Variants in SPTB observed in about 807,000 individuals in gnomAD.
The protein encoded by SPTB is spectrin beta, erythrocytic.
In SPTB, 45 loss-of-function variants were observed where a neutral mutation model predicts 256.2. That is an observed-to-expected ratio of 0.18 (90% CI 0.14 to 0.23). The LOEUF is 0.23. Ranked by LOEUF, SPTB falls within the 10% of genes least tolerant of loss-of-function variation. The pLI, the probability that SPTB is intolerant of heterozygous loss-of-function variation, is 1.00. For synonymous variants in SPTB, 1,231 were observed against 1,243.1 expected (o/e 0.99, Z 0.21); for missense variants, 2,715 against 3,040.4 (o/e 0.89, Z 2.52).
chr14:64,756,122 G>T (rs146695139), intron 32 of SPTB: 2 of 152,176 alleles, frequency 1.3e-5, no homozygotes. Context: ...AATAAAAACC[G>T]CAAGGCAGAA....
chr14:64,832,421 G>A (rs1352891055), intron 1 of SPTB, among the ~76,000 whole-genome samples: 1 of 152,088 alleles, frequency 6.6e-6, no homozygotes, highest in Non-Finnish European at 1.5e-5. Context: ...TGCTCTGTGG[G>A]CTACTCTTCC....
rs201334134 is a variant in SPTB at position 64,868,390 on chromosome 14, T to TA, written c.-52+11401dup. 2.2e-3 allele frequency among the ~76,000 whole-genome samples: 327 copies of TA among 150,802 alleles called. 4 individuals carry two copies. Among genetic ancestry groups the TA allele is most frequent in the African/African-American group, 4.5e-3 (184 of 41,046 alleles). The stretch of plus-strand genomic sequence containing the variant: ...GATGGTGACAACATGAACCTAGCTA[T>TA]AAAAAAAAACAAGGCAGAAAAGCAG... On this transcript the variant is annotated intron_variant, in intron 1 of 35. Coordinates refer to ENST00000644917, the MANE Select transcript of SPTB (RefSeq NM_001355436.2).
At chr14:64,830,353 T>A (rs901064067) in intron 1 of SPTB, among the ~76,000 whole-genome samples, 2 of 127,254 alleles carry the variant, frequency 1.6e-5, no homozygotes, top group African/African-American at 7.5e-5. Context: ...ATTATTATTA[T>A]TATTATTATT....
chr14:64,774,677 G>T, intron 23 of SPTB, 150 bp from the exon 24 acceptor site: 1 of 1,226,468 alleles, frequency 8.2e-7, no homozygotes, highest in Non-Finnish European at 1.2e-6. Context: ...CTTCCTTCCT[G>T]CCCTTCTGAT....
At chr14:64,850,498 G>GCCCCTCACAAGGGC (rs777570105) in intron 1 of SPTB, among the ~76,000 whole-genome samples, 57 of 152,286 alleles carry the variant, frequency 3.7e-4, no homozygotes, top group Middle Eastern at 3.4e-3. Context: ...CAAGTTTCCA[G>GCCCCTCACAAGGGC]CCCCTCACAA....
rs553593159 is a variant in SPTB at position 64,786,609 on chromosome 14, C to T, written c.3356G>A (p.Arg1119His). Residue 1119 changes from arginine (R) to histidine (H), a missense_variant, in exon 16 of 36, where the codon CGT (arginine) becomes CAT (histidine). Arg to His is a conservative substitution (Grantham distance 29). Around this residue, in one of 4 missense-constraint regions of SPTB, gnomAD observed 2,239 missense variants for 2,384.4 expected, o/e 0.94. Coordinates refer to ENST00000644917, the MANE Select transcript of SPTB (RefSeq NM_001355436.2). This position sits in a 1 kb window ranked among gnomAD's most constrained non-coding sequence, Gnocchi z 5.6. The stretch of plus-strand genomic sequence containing the variant: ...CACTTTCTCCCCAGACTCCTTAACA[C>T]GCTGGTAGCTGTCTTGGTGCCCGTC... ...EIDGHQDSYQ[R>H]VKESGEKVIQ... 9.9e-6 allele frequency: 16 copies of T among 1,614,202 alleles called. No homozygotes were observed. Among genetic ancestry groups the T allele is most frequent in the African/African-American group, 1.3e-5 (1 of 75,056 alleles).
rs1392792436 is a variant in SPTB at position 64,847,805 on chromosome 14, C to T, written c.-51-24660G>A. On this transcript the variant is annotated intron_variant, in intron 1 of 35. Transcript: ENST00000644917. This position sits in a 1 kb window ranked among gnomAD's most constrained non-coding sequence, Gnocchi z 5.9. ...TGTCGTGTCAGCCAGCACAGAGCAG[C>T]TCTTGGGAAGCATGCCTTATTTCCT... is the stretch of plus-strand genomic sequence containing the variant. Among the ~76,000 whole-genome samples, 1 of 152,186 alleles carries T rather than the reference C, an allele frequency of 6.6e-6. No individual in the cohort carries two copies. The highest frequency in any genetic ancestry group is 1.5e-5 in the Non-Finnish European group (1 of 68,044).
At chr14:64,766,089 CGT>C (rs752511478) in intron 32 of SPTB, among the ~76,000 whole-genome samples, 11 of 112,830 alleles carry the variant, frequency 9.7e-5, no homozygotes, top group Non-Finnish European at 1.1e-4. Context: ...TATGAGTATG[CGT>C]GTGTGGGTGT....
At position 64,784,781 on chromosome 14, in the gene SPTB, A is replaced by C. The variant is rs2082536059; in HGVS notation, c.3856-388T>G. On this transcript the variant is annotated intron_variant, in intron 18 of 35. Coordinates refer to ENST00000644917, the MANE Select transcript of SPTB (RefSeq NM_001355436.2). ...AGATCCTTGATAAACACAGGAAAAA[A>C]TGTTATTTGAGGAAGAAGCCAAGGA... 2.0e-5 allele frequency among the ~76,000 whole-genome samples: 3 copies of C among 152,216 alleles called. No individual in the cohort carries two copies. In the East Asian group the frequency reaches 5.8e-4, roughly 29 times the overall value.
Position 64,814,682 on chromosome 14 carries a change from A to T in SPTB, c.148+8265T>A, listed in dbSNP as rs113430152. Reference sequence around the variant, plus strand: ...AGGCATGTGCCACCACACCCAGCTAATTTTTTGTATTTTTAGTAGAGAAAG... The same window carrying T: ...AGGCATGTGCCACCACACCCAGCTATTTTTTTGTATTTTTAGTAGAGAAAG... On this transcript the variant is annotated intron_variant, in intron 2 of 35. Coordinates refer to ENST00000644917, the MANE Select transcript of SPTB (RefSeq NM_001355436.2). Among the ~76,000 whole-genome samples the T allele has an allele frequency of 2.0e-3, 305 of 151,782 alleles. 3 individuals carry two copies. The highest frequency in any genetic ancestry group is 6.7e-3 in the African/African-American group (276 of 41,362).
At chr14:64,787,484 C>A (rs973956090) in intron 15 of SPTB, among the ~76,000 whole-genome samples, 4 of 152,074 alleles carry the variant, frequency 2.6e-5, no homozygotes, top group East Asian at 3.9e-4. Context: ...TACAATTTCC[C>A]CAGAGTTTAT....
intron 33 of SPTB, 102 bp downstream of exon 33, chr14:64,753,435 C>A (rs2081978461): frequency 1.3e-6 from 2 of 1,577,680 alleles, no homozygotes; most frequent in Non-Finnish European, 1.7e-6. Context: ...GCAGAAGGCA[C>A]CCCTCCCCCA....
In SPTB at chr14:64,796,544, T is replaced by C; in HGVS notation, c.1341+13A>G. ...GTCCCCTCTCCTGTCACCCAAAGCATGTCCCTCATTACCTGGGCCACGAGG... is the reference window on the plus strand; with the variant it reads ...GTCCCCTCTCCTGTCACCCAAAGCACGTCCCTCATTACCTGGGCCACGAGG... On this transcript the variant is annotated intron_variant, in intron 11 of 35. Transcript: ENST00000644917. The surrounding 1 kb of genome is among the most constrained non-coding windows in gnomAD (Gnocchi z 4.1). 1 of 1,614,158 alleles carries C rather than the reference T, an allele frequency of 6.2e-7. No individual in the cohort carries two copies. The highest frequency in any genetic ancestry group is 8.5e-7 in the Non-Finnish European group (1 of 1,180,014).
At position 64,795,394 on chromosome 14, in the gene SPTB, T is replaced by C; in HGVS notation, c.1587A>G (p.Ala529=). The C allele has an allele frequency of 6.2e-7, 1 of 1,614,000 alleles. No individual in the cohort carries two copies. The highest frequency in any genetic ancestry group is 8.5e-7 in the Non-Finnish European group (1 of 1,180,028). The part of the protein sequence containing the change: ...SRRQRLETTL[A]LQKLFQDMLH... ...GCATGTCCTGGAAGAGCTTCTGCAG[T>C]GCCAGGGTGGTCTCGAGCCTCTGGC... is the stretch of plus-strand genomic sequence containing the variant. Residue 529 remains alanine (A), a synonymous_variant, in exon 12 of 36, where the codon GCA becomes GCG. Transcript: ENST00000644917. The surrounding 1 kb of genome is among the most constrained non-coding windows in gnomAD (Gnocchi z 6.5).
intron 1 of SPTB, among the ~76,000 whole-genome samples, chr14:64,877,458 C>T (rs1882878854): frequency 6.6e-6 from 1 of 152,144 alleles, no homozygotes; most frequent in Non-Finnish European, 1.5e-5. Flanking sequence ...GAATCCTGGA[C>T]CCATCTCTCA....
chr14:64,831,412 A>G (rs893735684), intron 1 of SPTB, among the ~76,000 whole-genome samples: 7 of 152,238 alleles, frequency 4.6e-5, no homozygotes, highest in Non-Finnish European at 8.8e-5. Context: ...TGAACGGGTA[A>G]TTCATAGTAG....
rs1410341735 is a variant in SPTB, at chr14:64,806,950, C to T, written c.149-1860G>A. On this transcript the variant is annotated intron_variant, in intron 2 of 35. Coordinates refer to ENST00000644917, the MANE Select transcript of SPTB (RefSeq NM_001355436.2). This position sits in a 1 kb window ranked among gnomAD's most constrained non-coding sequence, Gnocchi z 4.1. The stretch of plus-strand genomic sequence containing the variant: ...TCTGTGCAAAGTTTCAGCGAGAAAA[C>T]TCCCCTTACCCTTTTGTCAACAGCA... Among the ~76,000 whole-genome samples the T allele has an allele frequency of 6.6e-6, 1 of 152,228 alleles. No individual in the cohort carries two copies. Among genetic ancestry groups the T allele is most frequent in the Non-Finnish European group, 1.5e-5 (1 of 68,048 alleles).
Position 64,749,750 on chromosome 14 carries a change from G to A in SPTB, c.6777-54C>T. 4 of 1,596,684 alleles carry A rather than the reference G, an allele frequency of 2.5e-6. No individual in the cohort carries two copies. The highest frequency in any genetic ancestry group is 3.4e-6 in the Non-Finnish European group (4 of 1,170,034). ...GAGACACCTCTGGAGGGGGCGCTGG[G>A]CAGAGGGCTGGCTCTGATCCCACAA... On this transcript the variant is annotated intron_variant, in intron 34 of 35. Coordinates refer to ENST00000644917, the MANE Select transcript of SPTB (RefSeq NM_001355436.2). This position sits in a 1 kb window ranked among gnomAD's most constrained non-coding sequence, Gnocchi z 4.7.
rs1316509818 is a variant in SPTB at position 64,796,507 on chromosome 14, G to A, written c.1341+50C>T. 3 of 1,612,630 alleles carry A rather than the reference G, an allele frequency of 1.9e-6. No homozygotes were observed. Among genetic ancestry groups the A allele is most frequent in the Admixed American group, 1.7e-5 (1 of 60,000 alleles). On this transcript the variant is annotated intron_variant, in intron 11 of 35. Transcript: ENST00000644917. The surrounding 1 kb of genome is among the most constrained non-coding windows in gnomAD (Gnocchi z 4.1). ...ACTCCAGCCCAGCCAAGAGCTGGGG[G>A]CTCTGAAGAATGTCCCCTCTCCTGT...
Sources: gnomAD v4.1 joint callset for allele counts (sites outside exome capture counted in the v4.1 genomes callset) on GRCh38, gnomAD v4.1.1 for gene constraint, gnomAD v4.1.1 regional missense constraint, Gnocchi (gnomAD v3.1) non-coding constraint, MANE v1.5 for transcripts, NCBI Gene and HGNC (gene_info 2026-07-23, HGNC 2026-07-21) for gene names.